The following CLTCL1 variants were observed in gnomAD, a reference collection of about 807,000 sequenced individuals.
The protein encoded by CLTCL1 is clathrin heavy chain 2.
CLTCL1 carries 159 observed loss-of-function variants against 190.0 expected under a neutral mutation model. The observed-to-expected ratio is 0.84, with a 90% CI of 0.74 to 0.95. The LOEUF (loss-of-function observed/expected upper bound fraction) is 0.95, where lower values mean the gene tolerates loss of function less well. Ranked by LOEUF, CLTCL1 falls within the 40% of genes least tolerant of loss-of-function variation. CLTCL1 has a pLI of 0.00. For missense variants in CLTCL1, 1,878 were observed against 2,033.4 expected (o/e 0.92, Z 1.47); for synonymous variants, 752 against 769.6 (o/e 0.98, Z 0.38).
intron 1 of CLTCL1, among the ~76,000 whole-genome samples, chr22:19,289,845 G>A (rs1483610195): frequency 1.3e-5 from 2 of 152,222 alleles, no homozygotes; most frequent in Non-Finnish European, 2.9e-5. Flanking sequence ...AAACATCCCA[G>A]TTATGGCTTC....
At position 19,255,999 on chromosome 22, in the gene CLTCL1, T is replaced by C. The variant is rs117948154; in HGVS notation, c.251-1772A>G. ...AAGGGTAAGCAAAGTCTCTACACTA[T>C]AAAATATTCCTGAAAGAAAGTAAAG... On this transcript the variant is annotated intron_variant, in intron 2 of 32. Coordinates refer to ENST00000427926, the MANE Select transcript of CLTCL1 (RefSeq NM_007098.4). Among the ~76,000 whole-genome samples the C allele has an allele frequency of 9.4e-3, 1,433 of 151,672 alleles. 35 individuals are homozygous for C. Among genetic ancestry groups the C allele is most frequent in the East Asian group, 0.068 (354 of 5,174 alleles).
At position 19,199,800 on chromosome 22, in the gene CLTCL1, T is replaced by A. The variant is rs781815322; in HGVS notation, c.3807A>T (p.Ala1269=). 12 of 1,598,722 alleles carry A rather than the reference T, an allele frequency of 7.5e-6. No individual in the cohort carries two copies. The highest frequency in any genetic ancestry group is 8.5e-7 in the Non-Finnish European group (1 of 1,173,084). The change falls in exon 24 of 33, where the codon GCA becomes GCT. Residue 1269 remains alanine (A), a synonymous_variant. Transcript: ENST00000427926. ...ACMDGQEFRF[A]QLCGLHIVIH... ...TGACGATGTGAAGACCACACAGCTG[T>A]GCGAAGCGGAACTCTTGTCCATCCA...
At chr22:19,234,818 G>A in intron 6 of CLTCL1, 112 bp from the exon 7 acceptor site, 1 of 956,690 alleles carries the variant, frequency 1.0e-6, no homozygotes, top group Non-Finnish European at 1.6e-6. Context: ...GGCGAGTGTT[G>A]AGCACACCTG....
At position 19,183,371 on chromosome 22, in the gene CLTCL1, C is replaced by T; in HGVS notation, c.4827+19G>A. The stretch of plus-strand genomic sequence containing the variant: ...ATGCCACACAGGGGCCGGGGAGCTG[C>T]AGCCGGCCCGGCACCTACCTTGCTC... On this transcript the variant is annotated intron_variant, in intron 30 of 32. Coordinates refer to ENST00000427926, the MANE Select transcript of CLTCL1 (RefSeq NM_007098.4). 1 of 1,602,684 alleles carries T rather than the reference C, an allele frequency of 6.2e-7. No individual in the cohort carries two copies. The highest frequency in any genetic ancestry group is 1.1e-5 in the South Asian group (1 of 90,372).
At chr22:19,258,747 AGGATAGT>A in intron 2 of CLTCL1, 1 of 694,470 alleles carries the variant, frequency 1.4e-6, no homozygotes, top group Non-Finnish European at 2.7e-6. Flanking sequence ...CACCACCTGC[AGGATAGT>A]GGACGGCAAA....
In CLTCL1 at chr22:19,199,788, A is replaced by G; in HGVS notation, c.3819T>C (p.Gly1273=). Residue 1273 remains glycine, a synonymous_variant, in exon 24 of 33, where the codon GGT becomes GGC. Transcript: ENST00000427926. ...GQEFRFAQLC[G]LHIVIHADEL... The stretch of plus-strand genomic sequence containing the variant: ...CATCTGCATGAATGACGATGTGAAG[A>G]CCACACAGCTGTGCGAAGCGGAACT... 1 of 1,599,626 alleles carries G rather than the reference A, an allele frequency of 6.3e-7. No individual in the cohort carries two copies. The highest frequency in any genetic ancestry group is 1.1e-5 in the South Asian group (1 of 87,852).
intron 27 of CLTCL1, among the ~76,000 whole-genome samples, chr22:19,190,177 G>A (rs2084445052): frequency 6.6e-6 from 1 of 152,168 alleles, no homozygotes; most frequent in Non-Finnish European, 1.5e-5. Flanking sequence ...CTGACCTCGG[G>A]TGATCCGCCT....
At chr22:19,258,131 G>A in intron 2 of CLTCL1, 1 of 387,510 alleles carries the variant, frequency 2.6e-6, no homozygotes, top group Non-Finnish European at 5.0e-6. Flanking sequence ...GACAAAGATT[G>A]AGACTCTCAA....
rs111599348 is a variant in CLTCL1, at chr22:19,206,532, C to T, written c.3600+1622G>A. Among the ~76,000 whole-genome samples the T allele has an allele frequency of 4.2e-4, 64 of 152,230 alleles. No individual in the cohort carries two copies. In the South Asian group the frequency reaches 4.3e-3, roughly 10 times the overall value. ...AGTTGGGATTAGAGGTGTGAGCCAC[C>T]GTGCCCAGCCCCAACAACTACTTGG... is the stretch of plus-strand genomic sequence containing the variant. On this transcript the variant is annotated intron_variant, in intron 22 of 32. Transcript: ENST00000427926.
chr22:19,232,906 C>A, intron 9 of CLTCL1: 1 of 557,302 alleles, frequency 1.8e-6, no homozygotes, highest in Non-Finnish European at 3.1e-6. Context: ...ATCAAATTAA[C>A]ATACAGAAGG....
At chr22:19,255,325 G>A (rs1655228089) in intron 2 of CLTCL1, among the ~76,000 whole-genome samples, 1 of 151,906 alleles carries the variant, frequency 6.6e-6, no homozygotes. Context: ...CACTTTGGGA[G>A]GCTGAGGCTG....
rs1364033982 is a variant in CLTCL1, at chr22:19,196,532, A to G, written c.3998T>C (p.Leu1333Pro). ...LYSKFKPQKMLEHLELFWSRV... is the reference protein window; with the variant it reads ...LYSKFKPQKMPEHLELFWSRV... ...GGACCAGAAAAGCTCCAGATGCTCC[A>G]GCATCTTCTGTGGCTTGAATTTGGA... is the stretch of plus-strand genomic sequence containing the variant. Residue 1333 changes from leucine (L) to proline (P), a missense_variant, in exon 25 of 33, where the codon CTG (leucine) becomes CCG (proline). Coordinates refer to ENST00000427926, the MANE Select transcript of CLTCL1 (RefSeq NM_007098.4). 1 of 1,614,078 alleles carries G rather than the reference A, an allele frequency of 6.2e-7. No individual in the cohort carries two copies. Among genetic ancestry groups the G allele is most frequent in the South Asian group, 1.1e-5 (1 of 91,090 alleles).
rs147894050 is a variant in CLTCL1, at chr22:19,272,627, C to T, written c.250+2996G>A. ...CTGAGATTACAGGTGCACGCCACCACGCCCAGCTAATTTTTGTATTTTTAG... is the reference window on the plus strand; with the variant it reads ...CTGAGATTACAGGTGCACGCCACCATGCCCAGCTAATTTTTGTATTTTTAG... On this transcript the variant is annotated intron_variant, in intron 2 of 32. Coordinates refer to ENST00000427926, the MANE Select transcript of CLTCL1 (RefSeq NM_007098.4). Among the ~76,000 whole-genome samples, 63 of 152,192 alleles carry T rather than the reference C, an allele frequency of 4.1e-4. 1 individual carries two copies. The South Asian group carries it at 9.3e-3, about 23-fold the overall frequency.
At chr22:19,241,898 T>C (rs2086264130) in intron 4 of CLTCL1, among the ~76,000 whole-genome samples, 1 of 151,686 alleles carries the variant, frequency 6.6e-6, no homozygotes, top group South Asian at 2.1e-4. Flanking sequence ...CACTGGTGAT[T>C]TCACAGTCAT....
intron 22 of CLTCL1, among the ~76,000 whole-genome samples, chr22:19,202,430 C>T (rs2084919515): frequency 6.6e-6 from 1 of 152,172 alleles, no homozygotes; most frequent in African/African-American, 2.4e-5. Flanking sequence ...CCCGCACCAC[C>T]CCTCCTTCCG....
At chr22:19,221,676 AG>A in intron 16 of CLTCL1, 65 bp from the exon 17 acceptor site, 1 of 1,375,608 alleles carries the variant, frequency 7.3e-7, no homozygotes. Flanking sequence ...GGGCAACTCC[AG>A]GGCTCTGACA....
chr22:19,209,637 AG>A (rs2085157209), intron 20 of CLTCL1, among the ~76,000 whole-genome samples: 1 of 152,188 alleles, frequency 6.6e-6, no homozygotes, highest in African/African-American at 2.4e-5. Flanking sequence ...AGAGCCCATG[AG>A]GGGGCACAAA....
chr22:19,216,277 A>G, intron 18 of CLTCL1, 21 bp from the exon 19 acceptor site: 1 of 1,612,208 alleles, frequency 6.2e-7, no homozygotes, highest in South Asian at 1.1e-5. Context: ...AAAGCATTTG[A>G]AAGAACTTGA....
chr22:19,259,334 G>C (rs1363767448), intron 2 of CLTCL1, among the ~76,000 whole-genome samples: 4 of 152,084 alleles, frequency 2.6e-5, no homozygotes, highest in Non-Finnish European at 4.4e-5. Context: ...TCGAACTCCT[G>C]ACCTCAGGTG....
Sources: allele counts gnomAD v4.1 joint callset (sites outside exome capture counted in the v4.1 genomes callset), GRCh38; gene constraint gnomAD v4.1.1; transcripts MANE v1.5; gene names NCBI Gene and HGNC (gene_info 2026-07-23, HGNC 2026-07-21).